REDIC1: variants seen among roughly 807,000 people sequenced by gnomAD.
The protein encoded by REDIC1 is HEI10 Interacting Protein 1.
the REDIC1 span, among the ~76,000 whole-genome samples, chr12:39,654,608 G>A: frequency 2.0e-5 from 3 of 151,698 alleles, no homozygotes; most frequent in Non-Finnish European, 4.4e-5. Context: ...AAAACTGCTT[G>A]GTGTATAATC....
At chr12:39,803,114 G>T in the REDIC1 span, among the ~76,000 whole-genome samples, 1 of 151,538 alleles carries the variant, frequency 6.6e-6, no homozygotes, top group African/African-American at 2.4e-5. Context: ...TGAAGTACAG[G>T]GTATAAGGCA....
chr12:39,703,685 C>G, the REDIC1 span, among the ~76,000 whole-genome samples: 1 of 152,140 alleles, frequency 6.6e-6, no homozygotes, highest in African/African-American at 2.4e-5. Context: ...AACTATACTA[C>G]AAGGCTACAG....
At chr12:39,644,382 A>G in the REDIC1 span, among the ~76,000 whole-genome samples, 1 of 151,832 alleles carries the variant, frequency 6.6e-6, no homozygotes, top group African/African-American at 2.4e-5. Flanking sequence ...TTAATCATAG[A>G]AGTCTAATAC....
the REDIC1 span, among the ~76,000 whole-genome samples, chr12:39,718,895 T>C: frequency 6.6e-6 from 1 of 152,178 alleles, no homozygotes; most frequent in Non-Finnish European, 1.5e-5. Context: ...ATTAGATCCT[T>C]CAGCTTCCTT....
chr12:39,862,229 C>T, the REDIC1 span, among the ~76,000 whole-genome samples: 2 of 152,244 alleles, frequency 1.3e-5, no homozygotes, highest in South Asian at 4.1e-4. Context: ...TTAGGGTTGT[C>T]GATCTCTTGA....
At chr12:39,860,644 C>A in the REDIC1 span, among the ~76,000 whole-genome samples, 1 of 152,220 alleles carries the variant, frequency 6.6e-6, no homozygotes, top group East Asian at 1.9e-4. Context: ...TGATTTAGTC[C>A]ACCTTTTTTC....
At chr12:39,647,937 C>A in the REDIC1 span, 1 of 1,598,074 alleles carries the variant, frequency 6.3e-7, no homozygotes, top group Non-Finnish European at 8.5e-7. Flanking sequence ...ATAGCACCTA[C>A]TCCTCAGAAA....
At chr12:39,776,476 A>G in the REDIC1 span, among the ~76,000 whole-genome samples, 1 of 152,354 alleles carries the variant, frequency 6.6e-6, no homozygotes, top group South Asian at 2.1e-4. Context: ...CCAGAGAATG[A>G]TGTGGCATAT....
chr12:39,725,796 T>A, the REDIC1 span, among the ~76,000 whole-genome samples: 1 of 151,852 alleles, frequency 6.6e-6, no homozygotes, highest in Non-Finnish European at 1.5e-5. Flanking sequence ...TCTATAAATG[T>A]CCACAATGTG....
the REDIC1 span, chr12:39,720,830 C>T: frequency 1.2e-6 from 2 of 1,612,148 alleles, no homozygotes; most frequent in Non-Finnish European, 1.7e-6. Context: ...ATTGAAGATT[C>T]AAATAGGATG....
the REDIC1 span, among the ~76,000 whole-genome samples, chr12:39,729,221 T>A: frequency 6.6e-6 from 1 of 152,188 alleles, no homozygotes; most frequent in African/African-American, 2.4e-5. Flanking sequence ...TGTTAGCTCT[T>A]GCTTCTCTAG....
chr12:39,717,130 T>TATACATATATATGTTATATAC, the REDIC1 span, among the ~76,000 whole-genome samples: 1 of 144,120 alleles, frequency 6.9e-6, no homozygotes, highest in African/African-American at 2.5e-5. Context: ...CATACATATA[T>TATACATATATATGTTATATAC]ATACATATAT....
the REDIC1 span, among the ~76,000 whole-genome samples, chr12:39,888,626 G>C: frequency 6.6e-6 from 1 of 152,172 alleles, no homozygotes; most frequent in African/African-American, 2.4e-5. Flanking sequence ...TTACCTGACA[G>C]GACAGAATTG....
the REDIC1 span, among the ~76,000 whole-genome samples, chr12:39,643,287 T>C: frequency 6.6e-6 from 1 of 151,654 alleles, no homozygotes; most frequent in African/African-American, 2.4e-5. Context: ...CTGGGAATCA[T>C]GGAGGGATAA....
chr12:39,635,153 G>A, the REDIC1 span, among the ~76,000 whole-genome samples: 2 of 152,264 alleles, frequency 1.3e-5, no homozygotes, highest in Middle Eastern at 3.4e-3. Context: ...ACAGAGTCTG[G>A]GGAGGATGTG....
At chr12:39,872,612 G>C in the REDIC1 span, among the ~76,000 whole-genome samples, 2 of 152,324 alleles carry the variant, frequency 1.3e-5, no homozygotes, top group East Asian at 3.9e-4. Context: ...GAACTCACTG[G>C]AGACTGGCTT....
chr12:39,812,245 C>T, the REDIC1 span, among the ~76,000 whole-genome samples: 2 of 152,060 alleles, frequency 1.3e-5, no homozygotes, highest in Non-Finnish European at 2.9e-5. Context: ...TTTATAAAGG[C>T]ACTTATCCCA....
At chr12:39,865,290 A>T in the REDIC1 span, among the ~76,000 whole-genome samples, 1 of 152,352 alleles carries the variant, frequency 6.6e-6, no homozygotes, top group East Asian at 1.9e-4. Flanking sequence ...TTTGGTGCCA[A>T]GAAAATTCTT....
the REDIC1 span, among the ~76,000 whole-genome samples, chr12:39,774,294 A>T: frequency 6.6e-6 from 1 of 152,192 alleles, no homozygotes; most frequent in Non-Finnish European, 1.5e-5. Flanking sequence ...AAGCAACCCA[A>T]GTTATAAGAA....
Sources: gnomAD v4.1 joint callset for allele counts (sites outside exome capture counted in the v4.1 genomes callset) on GRCh38, gnomAD v4.1.1 for gene constraint, MANE v1.5 for transcripts, NCBI Gene and HGNC (gene_info 2026-07-23, HGNC 2026-07-21) for gene names.